TPRG1: variants seen among roughly 807,000 people sequenced by gnomAD.
The protein encoded by TPRG1 is tumor protein p63 regulated 1, also known as tumor protein p63-regulated gene 1 protein.
In TPRG1, 29 loss-of-function variants were observed where a neutral mutation model predicts 29.3. That is an observed-to-expected ratio of 0.99 (90% CI 0.74 to 1.35). The LOEUF is 1.35. TPRG1 is among the 40% of genes most tolerant of loss of function. TPRG1 has a pLI of 0.00. For missense variants in TPRG1, 327 were observed against 335.0 expected, an observed-to-expected ratio of 0.98 and a Z score of 0.19; for synonymous variants, 130 against 116.8, an observed-to-expected ratio of 1.11 and a Z score of -0.73.
Position 189,039,853 on chromosome 3 carries a change from G to A in TPRG1, c.-463+15907G>A, listed in dbSNP as rs74815118. Among the ~76,000 whole-genome samples the A allele has an allele frequency of 2.5e-5, 3 of 121,184 alleles. No homozygotes were observed. The South Asian group carries it at 8.1e-4, about 33-fold the overall frequency. The allele number at this position is 121,184 out of a possible 152,430, so 79.5% of individuals were successfully genotyped here. A position where few individuals can be genotyped will look rare whatever the true frequency, so the allele number is the denominator to read the frequency against. On this transcript the variant is annotated intron_variant, in intron 4 of 10. Coordinates refer to the TPRG1 transcript ENST00000433971. The stretch of plus-strand genomic sequence containing the variant: ...TCTTCTCACTCCTATTTTTTTTTTT[G>A]ACTTTTCAAAGAGCAACAGAACATT...
chr3:189,057,399 T>G (rs1388273130), intron 4 of TPRG1, among the ~76,000 whole-genome samples: 1 of 152,132 alleles, frequency 6.6e-6, no homozygotes, highest in Non-Finnish European at 1.5e-5. Flanking sequence ...CCTGCAATTT[T>G]ATTTTGTCTA....
chr3:189,268,885 A>G (rs1338664912), intron 4 of TPRG1, among the ~76,000 whole-genome samples: 1 of 152,206 alleles, frequency 6.6e-6, no homozygotes, highest in East Asian at 1.9e-4. Context: ...TTCAGGCTTT[A>G]GGGTGCTCTT....
chr3:189,233,549 C>G (rs1739004487), intron 3 of TPRG1, among the ~76,000 whole-genome samples: 2 of 152,110 alleles, frequency 1.3e-5, no homozygotes, highest in African/African-American at 4.8e-5. Flanking sequence ...GATAATGGTG[C>G]TGAGGAAAAG....
intron 4 of TPRG1, among the ~76,000 whole-genome samples, chr3:189,250,507 C>CCCCG (rs377374251): frequency 1.3e-5 from 1 of 77,250 alleles, no homozygotes; most frequent in African/African-American, 6.1e-5. Context: ...GATTTCCGCC[C>CCCCG]CCCCCCCCCC....
At chr3:189,047,798 C>T (rs1365895171) in intron 4 of TPRG1, among the ~76,000 whole-genome samples, 2 of 152,200 alleles carry the variant, frequency 1.3e-5, no homozygotes, top group Non-Finnish European at 2.9e-5. Context: ...TAAGAAGTAA[C>T]TCCTCATCTG....
intron 4 of TPRG1, among the ~76,000 whole-genome samples, chr3:189,037,683 A>G (rs1560408303): frequency 6.6e-6 from 1 of 151,902 alleles, no homozygotes; most frequent in Non-Finnish European, 1.5e-5. Context: ...AGAGCTTCAG[A>G]TGATTTAATC....
chr3:189,316,022 A>G (rs1723458568), intron 5 of TPRG1, among the ~76,000 whole-genome samples: 1 of 152,230 alleles, frequency 6.6e-6, no homozygotes, highest in African/African-American at 2.4e-5. Context: ...TAGAGGAAAC[A>G]TGCTTAAAAG....
intron 1 of TPRG1, among the ~76,000 whole-genome samples, chr3:189,204,760 A>G (rs556730734): frequency 6.6e-6 from 1 of 152,250 alleles, no homozygotes; most frequent in African/African-American, 2.4e-5. Flanking sequence ...TTCCTTCCCC[A>G]ATGGCACAAA....
At chr3:189,074,210 T>C (rs1264215372) in intron 4 of TPRG1, among the ~76,000 whole-genome samples, 2 of 143,782 alleles carry the variant, frequency 1.4e-5, no homozygotes, top group Admixed American at 1.4e-4. Context: ...TTTTTTTTTT[T>C]TTTTTTTTTT....
intron 4 of TPRG1, among the ~76,000 whole-genome samples, chr3:189,067,593 G>A (rs989267982): frequency 9.2e-5 from 14 of 152,272 alleles, no homozygotes; most frequent in African/African-American, 3.4e-4. Context: ...TAAGTAAGTG[G>A]TGGTGGGAAA....
rs75558690 is a variant in TPRG1, at chr3:189,077,727, C to G, written c.-462-49330C>G. Among the ~76,000 whole-genome samples, 855 of 152,252 alleles carry G rather than the reference C, an allele frequency of 5.6e-3. 6 individuals are homozygous for G. The highest frequency in any genetic ancestry group is 0.018 in the African/African-American group (765 of 41,536). On this transcript the variant is annotated intron_variant, in intron 4 of 10. Transcript: ENST00000433971. ...TGATTGGAAATATTCACACTTCACA[C>G]CTTTTAGGCACTCAGTATAGATTAG...
At chr3:189,063,344 A>G (rs766423991) in intron 4 of TPRG1, among the ~76,000 whole-genome samples, 3 of 152,158 alleles carry the variant, frequency 2.0e-5, no homozygotes, top group Non-Finnish European at 4.4e-5. Flanking sequence ...CAACTGATAG[A>G]ACTCCTAGAA....
intron 3 of TPRG1, among the ~76,000 whole-genome samples, chr3:189,229,235 C>G (rs1411446018): frequency 1.3e-5 from 2 of 152,042 alleles, no homozygotes; most frequent in African/African-American, 4.8e-5. Flanking sequence ...CTATCAAAAT[C>G]TAAGCAAGAT....
intron 5 of TPRG1, among the ~76,000 whole-genome samples, chr3:189,166,845 G>A (rs1381044965): frequency 1.3e-5 from 2 of 152,200 alleles, no homozygotes; most frequent in African/African-American, 4.8e-5. Context: ...TTAAAGATCA[G>A]GGTCATTTTC....
In TPRG1 at chr3:189,011,426, T is replaced by C. The variant is rs78105996; in HGVS notation, c.-660+6666T>C. 7.9e-5 allele frequency among the ~76,000 whole-genome samples: 12 copies of C among 152,272 alleles called. No individual in the cohort carries two copies. In the East Asian group the frequency reaches 2.3e-3, roughly 29 times the overall value. On this transcript the variant is annotated intron_variant, in intron 3 of 10. Coordinates refer to the TPRG1 transcript ENST00000433971. ...TTTTCATGCTGCTGAAAAGACATAT[T>C]CGAGAATGGGCAATTTACAAAAGAA... is the stretch of plus-strand genomic sequence containing the variant.
chr3:189,025,295 A>G (rs746013022), intron 4 of TPRG1, among the ~76,000 whole-genome samples: 4 of 152,072 alleles, frequency 2.6e-5, no homozygotes, highest in Non-Finnish European at 4.4e-5. Context: ...GGGGTCACAC[A>G]TTCACTCACT....
chr3:189,058,925 T>A (rs141443196), intron 4 of TPRG1, among the ~76,000 whole-genome samples: 1 of 152,156 alleles, frequency 6.6e-6, no homozygotes, highest in Non-Finnish European at 1.5e-5. Flanking sequence ...GCAAGCAAGA[T>A]CGAGCAAACT....
chr3:189,312,278 T>G (rs1180962305), intron 5 of TPRG1, among the ~76,000 whole-genome samples: 1 of 150,894 alleles, frequency 6.6e-6, no homozygotes, highest in Non-Finnish European at 1.5e-5. Context: ...CTTGGCTCAC[T>G]GCAAGCTCCG....
At chr3:189,044,154 G>T (rs1001889079) in intron 4 of TPRG1, among the ~76,000 whole-genome samples, 3 of 152,022 alleles carry the variant, frequency 2.0e-5, no homozygotes, top group Non-Finnish European at 2.9e-5. Flanking sequence ...AGAGAGAAAA[G>T]ACCTGCAAGT....
Sources: allele counts gnomAD v4.1 joint callset (sites outside exome capture counted in the v4.1 genomes callset), GRCh38; gene constraint gnomAD v4.1.1; transcripts MANE v1.5; gene names NCBI Gene and HGNC (gene_info 2026-07-23, HGNC 2026-07-21).